The following SIK2 variants were observed in gnomAD, a reference collection of about 807,000 sequenced individuals.
The protein encoded by SIK2 is serine/threonine-protein kinase SIK2.
A neutral mutation model predicts 103.2 loss-of-function variants in SIK2; 29 were observed. The observed-to-expected ratio is 0.28, with a 90% CI of 0.21 to 0.38. The LOEUF (loss-of-function observed/expected upper bound fraction) is 0.38, where lower values mean the gene tolerates loss of function less well. SIK2 is among the 10% of genes least tolerant of loss of function. The pLI is 1.00. For missense variants in SIK2, 879 were observed against 1,171.0 expected (o/e 0.75, Z 3.64); for synonymous variants, 412 against 446.1 (o/e 0.92, Z 0.96).
At position 111,616,405 on chromosome 11, in the gene SIK2, T is replaced by G. The variant is rs754440903; in HGVS notation, c.252+46T>G. ...ATCTCCATTCATTCCACAAGATAGT[T>G]CTCTATTTCGTATCATGATTTTTCT... On this transcript the variant is annotated intron_variant, in intron 2 of 14. Coordinates refer to ENST00000304987, the MANE Select transcript of SIK2 (RefSeq NM_015191.3). 3.8e-6 allele frequency: 4 copies of G among 1,048,308 alleles called. No homozygotes were observed. In the Admixed American group the frequency reaches 7.7e-5, roughly 20 times the overall value. 64.9% of individuals were successfully genotyped at this position (1,048,308 alleles called of 1,614,324 possible).
intron 2 of SIK2, among the ~76,000 whole-genome samples, chr11:111,619,403 A>T (rs969020970): frequency 2.0e-5 from 3 of 151,680 alleles, no homozygotes; most frequent in African/African-American, 4.8e-5. Context: ...TTATATATTT[A>T]TTTTTTTTGA....
At chr11:111,693,137 T>G (rs963233252) in intron 4 of SIK2, among the ~76,000 whole-genome samples, 21 of 151,798 alleles carry the variant, frequency 1.4e-4, no homozygotes, top group East Asian at 7.8e-4. Flanking sequence ...TTCGAGACCA[T>G]CCTGGCCAAC....
chr11:111,671,805 C>T, intron 3 of SIK2: 3 of 409,472 alleles, frequency 7.3e-6, no homozygotes, highest in Non-Finnish European at 9.6e-6. Flanking sequence ...TTGATGAAGA[C>T]AAATTCGTTT....
rs143201027 is a variant in SIK2 at position 111,632,959 on chromosome 11, C to T, written c.316+12557C>T. On this transcript the variant is annotated intron_variant, in intron 3 of 14. Coordinates refer to ENST00000304987, the MANE Select transcript of SIK2 (RefSeq NM_015191.3). The stretch of plus-strand genomic sequence containing the variant: ...CCTTATCTATAATGGAAGTAGGAAG[C>T]GTTTGGGCTCCTGTCTTCTGTACTT... Among the ~76,000 whole-genome samples the T allele has an allele frequency of 5.9e-5, 9 of 152,188 alleles. No individual in the cohort carries two copies. The East Asian group carries it at 7.7e-4, about 13-fold the overall frequency.
chr11:111,714,473 G>A (rs1565385384), intron 9 of SIK2, among the ~76,000 whole-genome samples: 1 of 152,210 alleles, frequency 6.6e-6, no homozygotes, highest in Non-Finnish European at 1.5e-5. Flanking sequence ...CACTGTGTGT[G>A]CCCCGGTGCA....
intron 4 of SIK2, among the ~76,000 whole-genome samples, chr11:111,694,313 G>GT (rs1228511730): frequency 6.6e-6 from 1 of 152,048 alleles, no homozygotes; most frequent in Non-Finnish European, 1.5e-5. Context: ...ATTCTCAATT[G>GT]TCTCTGGTTG....
chr11:111,602,811 C>A lies in SIK2; in HGVS notation c.135+113C>A. On this transcript the variant is annotated intron_variant, in intron 1 of 14. Coordinates refer to ENST00000304987, the MANE Select transcript of SIK2 (RefSeq NM_015191.3). The surrounding 1 kb of genome is among the most constrained non-coding windows in gnomAD (Gnocchi z 4.5). ...CGGGGAGACCCGAGAGGCCGCCTCA[C>A]TGGCGGAGGCGAGCGGGCCTGGGAC... is the stretch of plus-strand genomic sequence containing the variant. 7.3e-7 allele frequency: 1 copy of A among 1,365,352 alleles called. No homozygotes were observed. The highest frequency in any genetic ancestry group is 9.5e-7 in the Non-Finnish European group (1 of 1,056,866). The allele number at this position is 1,365,352 out of a possible 1,614,324, so 84.6% of individuals were successfully genotyped here.
intron 3 of SIK2, among the ~76,000 whole-genome samples, chr11:111,625,059 G>C (rs1246246935): frequency 6.6e-6 from 1 of 152,184 alleles, no homozygotes; most frequent in Non-Finnish European, 1.5e-5. Flanking sequence ...CAAGGAGGAA[G>C]AACAGTAGAA....
Position 111,665,894 on chromosome 11 carries a change from A to T in SIK2, c.317-22107A>T, listed in dbSNP as rs1791898493. On this transcript the variant is annotated intron_variant, in intron 3 of 14. Transcript: ENST00000304987. ...AAAAGAAATATTGGAAAAGCACTAA[A>T]CCTATGGTTCTGTTTTCCATGGACT... 4.6e-5 allele frequency among the ~76,000 whole-genome samples: 7 copies of T among 152,202 alleles called. No individual in the cohort carries two copies. The South Asian group carries it at 1.5e-3, about 32-fold the overall frequency.
intron 4 of SIK2, among the ~76,000 whole-genome samples, chr11:111,689,036 G>C (rs1942888222): frequency 6.6e-6 from 1 of 152,218 alleles, no homozygotes. Flanking sequence ...TTTGAACTTA[G>C]ACTTGAGAGA....
intron 4 of SIK2, among the ~76,000 whole-genome samples, chr11:111,697,015 A>C (rs953570539): frequency 5.9e-5 from 9 of 152,130 alleles, no homozygotes; most frequent in African/African-American, 9.7e-5. Context: ...TTTTGCTGCC[A>C]CTTTTTAACC....
intron 1 of SIK2, among the ~76,000 whole-genome samples, chr11:111,613,723 C>T (rs1390377594): frequency 6.6e-6 from 1 of 152,082 alleles, no homozygotes; most frequent in Non-Finnish European, 1.5e-5. Context: ...TAAAACACCA[C>T]CAAACATAAT....
intron 3 of SIK2, among the ~76,000 whole-genome samples, chr11:111,665,204 A>G (rs1054376312): frequency 3.9e-5 from 6 of 151,992 alleles, no homozygotes; most frequent in African/African-American, 1.2e-4. Context: ...CAGAGTGGGT[A>G]GGAGATATTA....
At chr11:111,648,763 GT>G (rs751111216) in intron 3 of SIK2, among the ~76,000 whole-genome samples, 52 of 152,112 alleles carry the variant, frequency 3.4e-4, no homozygotes, top group Non-Finnish European at 6.3e-4. Flanking sequence ...TACATTGTAT[GT>G]TTGTTCTTGT....
chr11:111,697,922 A>C lies in SIK2; in HGVS notation c.479-2964A>C, dbSNP rs2135915212. Among the ~76,000 whole-genome samples the C allele has an allele frequency of 2.0e-5, 3 of 152,322 alleles. 1 individual carries two copies. Among genetic ancestry groups the C allele is most frequent in the Admixed American group, 2.0e-4 (3 of 15,294 alleles). On this transcript the variant is annotated intron_variant, in intron 4 of 14. Coordinates refer to ENST00000304987, the MANE Select transcript of SIK2 (RefSeq NM_015191.3). ...CTGCTTGGAAGGCTGAGGCAAAAAG[A>C]TCACTTGAGCCTGGGAGATGAAGGC...
At chr11:111,702,073 G>A (rs149783171) in intron 6 of SIK2, among the ~76,000 whole-genome samples, 88 of 152,242 alleles carry the variant, frequency 5.8e-4, no homozygotes, top group Non-Finnish European at 1.0e-3. Flanking sequence ...TCTTAACTCT[G>A]TTCTTTCTAC....
At chr11:111,683,816 C>T (rs950393196) in intron 3 of SIK2, among the ~76,000 whole-genome samples, 4 of 152,150 alleles carry the variant, frequency 2.6e-5, no homozygotes, top group African/African-American at 9.7e-5. Context: ...AGACCATGTG[C>T]GTTAACTTGA....
chr11:111,672,328 G>C, intron 3 of SIK2: 3 of 433,218 alleles, frequency 6.9e-6, no homozygotes, highest in Non-Finnish European at 8.0e-6. Flanking sequence ...AGGCCTGCTC[G>C]TGGAGGAGCA....
intron 14 of SIK2, 143 bp from the exon 15 acceptor site, chr11:111,723,353 T>A (rs564601): frequency 3.6e-6 from 3 of 833,082 alleles, no homozygotes; most frequent in Non-Finnish European, 5.5e-6. Flanking sequence ...CCCAACACAA[T>A]TGGTTCCCAT....
Sources: allele counts gnomAD v4.1 joint callset (sites outside exome capture counted in the v4.1 genomes callset), GRCh38; gene constraint gnomAD v4.1.1; non-coding constraint Gnocchi (gnomAD v3.1); transcripts MANE v1.5; gene names NCBI Gene and HGNC (gene_info 2026-07-23, HGNC 2026-07-21).